Variants in AIG1 observed in about 807,000 individuals in gnomAD.
The protein encoded by AIG1 is androgen induced 1.
In AIG1, 23 loss-of-function variants were observed where a neutral mutation model predicts 31.4. The ratio of observed to expected loss-of-function variants is 0.73; its 90% CI spans 0.53 to 1.04. The LOEUF is 1.04. Ranked by LOEUF, AIG1 falls within the 50% of genes least tolerant of loss-of-function variation. The pLI, the probability that AIG1 is intolerant of heterozygous loss-of-function variation, is 0.00. For missense variants in AIG1, 274 were observed against 295.0 expected, an observed-to-expected ratio of 0.93 and a Z score of 0.52; for synonymous variants, 100 against 110.5, an observed-to-expected ratio of 0.90 and a Z score of 0.60.
At chr6:143,149,165 A>G (rs982497476) in intron 2 of AIG1, among the ~76,000 whole-genome samples, 1 of 152,162 alleles carries the variant, frequency 6.6e-6, no homozygotes, top group Non-Finnish European at 1.5e-5. Flanking sequence ...TATGCCTGAT[A>G]GACATTTTTA....
At chr6:143,287,687 A>G (rs1316348087) in intron 4 of AIG1, among the ~76,000 whole-genome samples, 1 of 146,076 alleles carries the variant, frequency 6.8e-6, no homozygotes, top group Non-Finnish European at 1.5e-5. Context: ...CCATAGTTGG[A>G]AAGACACTGT....
At chr6:143,061,717 T>G (rs1159089483) in intron 1 of AIG1, 1 of 171,464 alleles carries the variant, frequency 5.8e-6, no homozygotes, top group Non-Finnish European at 1.3e-5. Context: ...TCTTCCCATG[T>G]ACAAATTTAC....
chr6:143,196,145 G>A (rs1409472623), intron 3 of AIG1, among the ~76,000 whole-genome samples: 1 of 152,144 alleles, frequency 6.6e-6, no homozygotes, highest in Non-Finnish European at 1.5e-5. Context: ...ACTGCTTAAT[G>A]TACTGTCATC....
chr6:143,142,565 TGAG>T (rs71941734), intron 2 of AIG1, among the ~76,000 whole-genome samples: 1,772 of 152,280 alleles, frequency 0.012, 35 homozygotes, highest in African/African-American at 0.034. Flanking sequence ...TGAGTGGGCC[TGAG>T]GAGATCTTGG....
intron 3 of AIG1, chr6:143,187,736 A>G: frequency 6.5e-7 from 1 of 1,535,708 alleles, no homozygotes; most frequent in South Asian, 1.2e-5. Context: ...TAAAGGATTG[A>G]CCTGGTGCCA....
chr6:143,188,272 C>A (rs1789458081), intron 3 of AIG1: 3 of 986,356 alleles, frequency 3.0e-6, no homozygotes, highest in Non-Finnish European at 3.6e-6. Flanking sequence ...TAAACTGTTG[C>A]CGCTGTTTAA....
Position 143,221,416 on chromosome 6 carries a change from C to A in AIG1, c.399+56233C>A, listed in dbSNP as rs550088325. On this transcript the variant is annotated intron_variant, in intron 3 of 5. Transcript: ENST00000357847. The stretch of plus-strand genomic sequence containing the variant: ...TTTGGCTTTTGAGAGCATTTTAGTC[C>A]AAACTACACTGTGGTCTCTGTGGTC... 1.3e-4 allele frequency among the ~76,000 whole-genome samples: 20 copies of A among 151,584 alleles called. No individual in the cohort carries two copies. In the South Asian group the frequency reaches 4.2e-3, roughly 32 times the overall value.
At chr6:143,203,806 G>A (rs1010388232) in intron 3 of AIG1, among the ~76,000 whole-genome samples, 4 of 152,184 alleles carry the variant, frequency 2.6e-5, no homozygotes, top group East Asian at 1.9e-4. Flanking sequence ...AGAAGAATTC[G>A]ACAGAAGACA....
chr6:143,236,262 T>C (rs949274042), intron 3 of AIG1, among the ~76,000 whole-genome samples: 7 of 152,212 alleles, frequency 4.6e-5, no homozygotes, highest in African/African-American at 1.7e-4. Context: ...GGCTGGGGCC[T>C]GTGTCTGTCC....
chr6:143,315,846 A>G (rs9390078), intron 4 of AIG1, among the ~76,000 whole-genome samples: 20,290 of 152,094 alleles, frequency 0.13, 1,581 homozygotes, highest in East Asian at 0.36. Context: ...TAATAATCAT[A>G]AATACTGAGT....
At chr6:143,287,478 A>G (rs905772646) in intron 4 of AIG1, among the ~76,000 whole-genome samples, 2 of 152,156 alleles carry the variant, frequency 1.3e-5, no homozygotes, top group Non-Finnish European at 2.9e-5. Flanking sequence ...TGCAGATTGT[A>G]GTCTGTTAAC....
In AIG1 at chr6:143,268,149, A is replaced by G. The variant is rs1402992306; in HGVS notation, c.400-15961A>G. 1.3e-5 allele frequency among the ~76,000 whole-genome samples: 2 copies of G among 152,176 alleles called. No homozygotes were observed. Among genetic ancestry groups the G allele is most frequent in the Non-Finnish European group, 2.9e-5 (2 of 68,028 alleles). On this transcript the variant is annotated intron_variant, in intron 3 of 5. Coordinates refer to ENST00000357847, the MANE Select transcript of AIG1 (RefSeq NM_016108.4). This position sits in a 1 kb window ranked among gnomAD's most constrained non-coding sequence, Gnocchi z 5.0. Reference sequence around the variant, plus strand: ...TATATAAAGTTTGGGAAATAAAGCCATTTAAAATATTGGTCTGTGGGTGAA... The same window carrying G: ...TATATAAAGTTTGGGAAATAAAGCCGTTTAAAATATTGGTCTGTGGGTGAA...
In AIG1 at chr6:143,280,139, AAACAGC is replaced by A. The variant is rs1462165963; in HGVS notation, c.400-3965_400-3960del. The stretch of plus-strand genomic sequence containing the variant: ...TTGTAAATGGTATTTGTGTTTGGGG[AAACAGC>A]AACAGATCATTCTTCAGCTCGCTTC... On this transcript the variant is annotated intron_variant, in intron 3 of 5. Coordinates refer to ENST00000357847, the MANE Select transcript of AIG1 (RefSeq NM_016108.4). This position sits in a 1 kb window ranked among gnomAD's most constrained non-coding sequence, Gnocchi z 4.1. Among the ~76,000 whole-genome samples, 1 of 152,232 alleles carries A rather than the reference AAACAGC, an allele frequency of 6.6e-6. No individual in the cohort carries two copies. The highest frequency in any genetic ancestry group is 1.5e-5 in the Non-Finnish European group (1 of 68,044).
intron 2 of AIG1, 32 bp from the exon 3 acceptor site, chr6:143,165,050 A>T: frequency 6.7e-7 from 1 of 1,487,574 alleles, no homozygotes; most frequent in Non-Finnish European, 9.4e-7. Flanking sequence ...TAGTCGATGA[A>T]CTTGAAATAA....
chr6:143,270,571 A>G (rs1034004330), intron 3 of AIG1, among the ~76,000 whole-genome samples: 1 of 152,094 alleles, frequency 6.6e-6, no homozygotes, highest in African/African-American at 2.4e-5. Flanking sequence ...TTTTTCCTAT[A>G]ATCTTTGGGA....
intron 1 of AIG1, among the ~76,000 whole-genome samples, chr6:143,120,074 C>T (rs1782111524): frequency 6.6e-6 from 1 of 152,108 alleles, no homozygotes; most frequent in Non-Finnish European, 1.5e-5. Context: ...GGATTGCAGG[C>T]ATGTGCCAGC....
intron 3 of AIG1, among the ~76,000 whole-genome samples, chr6:143,198,149 T>C (rs9484710): frequency 5.3e-4 from 81 of 152,352 alleles, no homozygotes; most frequent in African/African-American, 1.9e-3. Flanking sequence ...TACCAAGTAC[T>C]ATGTTCAGTC....
chr6:143,170,512 T>G (rs1413360542), intron 3 of AIG1, among the ~76,000 whole-genome samples: 1 of 152,014 alleles, frequency 6.6e-6, no homozygotes, highest in Non-Finnish European at 1.5e-5. Context: ...TGATTTTATT[T>G]ATTTGAGTCT....
At chr6:143,176,444 C>T (rs1231568201) in intron 3 of AIG1, among the ~76,000 whole-genome samples, 3 of 152,078 alleles carry the variant, frequency 2.0e-5, no homozygotes, top group African/African-American at 2.4e-5. Flanking sequence ...GCTTCCAGGA[C>T]GGGTAGAGAA....
Sources: gnomAD v4.1 joint callset for allele counts (sites outside exome capture counted in the v4.1 genomes callset) on GRCh38, gnomAD v4.1.1 for gene constraint, Gnocchi (gnomAD v3.1) non-coding constraint, MANE v1.5 for transcripts, NCBI Gene and HGNC (gene_info 2026-07-23, HGNC 2026-07-21) for gene names.